HDAC9: variants seen among roughly 807,000 people sequenced by gnomAD.
HDAC9 encodes the protein histone deacetylase 9.
Under a neutral mutation model 139.4 loss-of-function variants are expected in HDAC9, and 41 were observed. That is an observed-to-expected ratio of 0.29 (90% confidence interval 0.23 to 0.38). The LOEUF (loss-of-function observed/expected upper bound fraction) is 0.38. Ranked by LOEUF, HDAC9 falls within the 10% of genes least tolerant of loss-of-function variation. The pLI, the probability that HDAC9 is intolerant of heterozygous loss-of-function variation, is 1.00. For missense variants in HDAC9, 1,147 were observed against 1,297.0 expected (o/e 0.88, Z 1.78); for synonymous variants, 517 against 476.2 (o/e 1.09, Z -1.12).
At chr7:18,169,810 T>C (rs1562701911) in intron 2 of HDAC9, among the ~76,000 whole-genome samples, 1 of 152,232 alleles carries the variant, frequency 6.6e-6, no homozygotes. Flanking sequence ...TATGGCTGCA[T>C]AGTATTCCAT....
intron 12 of HDAC9, among the ~76,000 whole-genome samples, chr7:18,677,089 C>G (rs1052479461): frequency 6.6e-6 from 1 of 151,774 alleles, no homozygotes; most frequent in African/African-American, 2.4e-5. Context: ...ATATTTATGT[C>G]ATTCCAGAGA....
At chr7:18,934,626 T>A (rs181177818) in intron 22 of HDAC9, among the ~76,000 whole-genome samples, 29 of 152,260 alleles carry the variant, frequency 1.9e-4, no homozygotes, top group African/African-American at 6.5e-4. Context: ...TTACACTGAA[T>A]GAAAACACAA....
intron 25 of HDAC9, among the ~76,000 whole-genome samples, chr7:18,994,691 T>C (rs1347079994): frequency 6.6e-6 from 1 of 152,242 alleles, no homozygotes. Flanking sequence ...AGATTTGTTA[T>C]ACAAATGCTA....
intron 6 of HDAC9, among the ~76,000 whole-genome samples, chr7:18,623,715 G>C (rs1002615180): frequency 1.3e-5 from 2 of 152,154 alleles, no homozygotes; most frequent in Non-Finnish European, 2.9e-5. Flanking sequence ...AGGCCAAGGC[G>C]GGCGGATTAC....
chr7:18,989,250 GC>G (rs1785650725), intron 25 of HDAC9, among the ~76,000 whole-genome samples: 1 of 149,416 alleles, frequency 6.7e-6, no homozygotes, highest in African/African-American at 2.5e-5. Context: ...CTCTTTTAGG[GC>G]AGGCCTGGTG....
At chr7:18,505,806 A>T (rs1017164404) in intron 2 of HDAC9, 1 of 152,234 alleles carries the variant, frequency 6.6e-6, no homozygotes, top group South Asian at 2.1e-4. Flanking sequence ...TTAATGATTG[A>T]CATAATTTAT....
chr7:18,715,662 A>T (rs756441461), intron 12 of HDAC9, among the ~76,000 whole-genome samples: 2 of 152,104 alleles, frequency 1.3e-5, no homozygotes, highest in Non-Finnish European at 2.9e-5. Flanking sequence ...ATATGTCTGA[A>T]CCCATGGGTT....
intron 23 of HDAC9, among the ~76,000 whole-genome samples, chr7:18,945,274 T>C (rs1782295761): frequency 6.6e-6 from 1 of 152,260 alleles, no homozygotes; most frequent in African/African-American, 2.4e-5. Flanking sequence ...GCCCAGACGC[T>C]AATGCGGTAA....
intron 2 of HDAC9, among the ~76,000 whole-genome samples, chr7:18,256,811 G>C (rs1403405286): frequency 6.6e-6 from 1 of 152,098 alleles, no homozygotes; most frequent in East Asian, 1.9e-4. Context: ...AATGTGGCTG[G>C]GCACAGGGGC....
In HDAC9 at chr7:18,559,753, T is replaced by A. The variant is rs112730195; in HGVS notation, c.23-25528T>A. Among the ~76,000 whole-genome samples the A allele has an allele frequency of 8.7e-3, 1,328 of 152,304 alleles. 18 individuals are homozygous for A. The highest frequency in any genetic ancestry group is 0.03 in the African/African-American group (1,255 of 41,550). ...CAGCCAAATGAAAATAATTATTTAG[T>A]AACAGCTTTGGGAATATAACTTTTT... On this transcript the variant is annotated intron_variant, in intron 2 of 25. Coordinates refer to ENST00000686413, the MANE Select transcript of HDAC9 (RefSeq NM_178425.4).
At position 18,857,335 on chromosome 7, in the gene HDAC9, T is replaced by TTGTGTGTGTGTGTGTGTGTGTG. The variant is rs375575248; in HGVS notation, c.2685-17135_2685-17114dup. ...TATTGTTTCACAAAATATGTTTTAG[T>TTGTGTGTGTGTGTGTGTGTGTG]TGTGTGTGTGTGTGTGTGTGTGTGT... On this transcript the variant is annotated intron_variant, in intron 21 of 25. Transcript: ENST00000686413. 4.0e-3 allele frequency among the ~76,000 whole-genome samples: 559 copies of TTGTGTGTGTGTGTGTGTGTGTG among 140,934 alleles called. 6 individuals are homozygous for TTGTGTGTGTGTGTGTGTGTGTG. Among genetic ancestry groups the TTGTGTGTGTGTGTGTGTGTGTG allele is most frequent in the African/African-American group, 0.013 (498 of 36,944 alleles). 92.5% of individuals were successfully genotyped at this position (140,934 alleles called of 152,430 possible).
At chr7:18,497,596 C>A (rs1797262500) in intron 2 of HDAC9, among the ~76,000 whole-genome samples, 1 of 152,122 alleles carries the variant, frequency 6.6e-6, no homozygotes, top group South Asian at 2.1e-4. Flanking sequence ...TTAACAAAAG[C>A]AAACCTACCA....
At chr7:18,524,461 C>G (rs1806143148) in intron 2 of HDAC9, among the ~76,000 whole-genome samples, 1 of 152,094 alleles carries the variant, frequency 6.6e-6, no homozygotes, top group Admixed American at 6.6e-5. Context: ...TGCTCACTCT[C>G]TGCTATTATT....
At chr7:18,649,020 T>G (rs1486730358) in intron 11 of HDAC9, among the ~76,000 whole-genome samples, 1 of 152,188 alleles carries the variant, frequency 6.6e-6, no homozygotes, top group Admixed American at 6.5e-5. Flanking sequence ...GACTTGAATG[T>G]GGTGTGTTGA....
intron 1 of HDAC9, among the ~76,000 whole-genome samples, chr7:18,301,250 G>T (rs1267246312): frequency 1.3e-5 from 2 of 151,974 alleles, no homozygotes; most frequent in African/African-American, 2.4e-5. Context: ...ATACTTTAAG[G>T]TCATAATATC....
intron 22 of HDAC9, among the ~76,000 whole-genome samples, chr7:18,893,032 C>T (rs1235478441): frequency 7.2e-4 from 2 of 2,764 alleles, no homozygotes; most frequent in Non-Finnish European, 2.0e-3. Flanking sequence ...GGTAATAGGC[C>T]GAAAAAAAAA....
intron 13 of HDAC9, among the ~76,000 whole-genome samples, chr7:18,732,964 T>G (rs1443086910): frequency 7.0e-6 from 1 of 141,958 alleles, no homozygotes; most frequent in Non-Finnish European, 1.5e-5. Context: ...TGTGTGTGTA[T>G]GTGTATATAC....
Position 18,513,819 on chromosome 7 carries a change from G to A in HDAC9, c.22+17495G>A, listed in dbSNP as rs527915132. On this transcript the variant is annotated intron_variant, in intron 2 of 25. Transcript: ENST00000686413. The stretch of plus-strand genomic sequence containing the variant: ...TTAATTCCCTAAACCAGATCATATC[G>A]CAAGACTATGTCTTTCTTGAACCTC... Among the ~76,000 whole-genome samples, 32 of 152,220 alleles carry A rather than the reference G, an allele frequency of 2.1e-4. No homozygotes were observed. In the South Asian group the frequency reaches 5.6e-3, roughly 27 times the overall value.
At chr7:18,134,442 T>C (rs1219835519) in intron 1 of HDAC9, among the ~76,000 whole-genome samples, 1 of 152,166 alleles carries the variant, frequency 6.6e-6, no homozygotes, top group Non-Finnish European at 1.5e-5. Flanking sequence ...CCATTAACTG[T>C]ACTGTCATTA....
Sources: allele counts gnomAD v4.1 joint callset (sites outside exome capture counted in the v4.1 genomes callset), GRCh38; gene constraint gnomAD v4.1.1; transcripts MANE v1.5; gene names NCBI Gene and HGNC (gene_info 2026-07-23, HGNC 2026-07-21).